MTMR7: variants seen among roughly 807,000 people sequenced by gnomAD.
The protein encoded by MTMR7 is myotubularin related protein 7.
Under a neutral mutation model 81.2 loss-of-function variants are expected in MTMR7, and 76 were observed. The observed-to-expected ratio is 0.94, with a 90% CI of 0.78 to 1.13. The LOEUF (loss-of-function observed/expected upper bound fraction) is 1.13, where lower values mean the gene tolerates loss of function less well. Among genes scored for constraint, MTMR7 ranks in the 50% most tolerant of loss-of-function variants. The pLI, the probability that MTMR7 is intolerant of heterozygous loss-of-function variation, is 0.00. For synonymous variants in MTMR7, 372 were observed against 289.8 expected (o/e 1.28, Z -2.88); for missense variants, 1,044 against 820.0 (o/e 1.27, Z -3.34).
chr8:17,404,918 G>A (rs1025688200), intron 1 of MTMR7, among the ~76,000 whole-genome samples: 1 of 152,104 alleles, frequency 6.6e-6, no homozygotes, highest in Non-Finnish European at 1.5e-5. Flanking sequence ...CTCTGCCTCC[G>A]AGGTTTAAGT....
chr8:17,312,561 C>T (rs977511780), intron 8 of MTMR7, among the ~76,000 whole-genome samples: 5 of 116,898 alleles, frequency 4.3e-5, no homozygotes, highest in African/African-American at 1.7e-4. Flanking sequence ...GGTGACAGAG[C>T]GAGACTCCCT....
intron 1 of MTMR7, among the ~76,000 whole-genome samples, chr8:17,399,295 G>A (rs1035421473): frequency 3.3e-5 from 5 of 152,052 alleles, no homozygotes; most frequent in South Asian, 2.1e-4. Flanking sequence ...TGCAAGATAC[G>A]AAATCAAAAT....
At chr8:17,324,702 A>T (rs1008193366) in intron 7 of MTMR7, among the ~76,000 whole-genome samples, 14 of 152,220 alleles carry the variant, frequency 9.2e-5, no homozygotes, top group African/African-American at 2.9e-4. Context: ...AGGCCATACA[A>T]ACTGCTATTT....
At chr8:17,395,109 T>C (rs577530198) in intron 1 of MTMR7, among the ~76,000 whole-genome samples, 1 of 152,180 alleles carries the variant, frequency 6.6e-6, no homozygotes, top group African/African-American at 2.4e-5. Flanking sequence ...TCATAACTTT[T>C]ATTTTACTTT....
intron 5 of MTMR7, among the ~76,000 whole-genome samples, chr8:17,347,561 C>T (rs886364973): frequency 6.6e-6 from 1 of 152,286 alleles, no homozygotes; most frequent in African/African-American, 2.4e-5. Context: ...TAGCCTCACT[C>T]GGCTTTGAAT....
intron 3 of MTMR7, among the ~76,000 whole-genome samples, chr8:17,369,479 C>G (rs1382884909): frequency 1.3e-5 from 2 of 152,056 alleles, no homozygotes; most frequent in Non-Finnish European, 2.9e-5. Context: ...CATAATTGAA[C>G]TTCTTGTCCT....
intron 7 of MTMR7, among the ~76,000 whole-genome samples, chr8:17,327,630 A>T (rs1818754328): frequency 8.0e-6 from 1 of 124,566 alleles, no homozygotes; most frequent in Admixed American, 7.6e-5. Flanking sequence ...CCCTAAGAGG[A>T]AGAAACCTGG....
chr8:17,350,310 G>A (rs532050684), intron 4 of MTMR7, among the ~76,000 whole-genome samples: 3 of 152,206 alleles, frequency 2.0e-5, no homozygotes, highest in African/African-American at 7.2e-5. Context: ...ATTTATAAAG[G>A]AAAAGGTTTA....
chr8:17,375,487 T>TTGTTTTG (rs1820558759), intron 1 of MTMR7, among the ~76,000 whole-genome samples: 1 of 151,902 alleles, frequency 6.6e-6, no homozygotes, highest in African/African-American at 2.4e-5. Context: ...TATGTTTTTT[T>TTGTTTTG]TTTTTTTTTA....
At chr8:17,332,389 T>C (rs1450843454) in intron 6 of MTMR7, among the ~76,000 whole-genome samples, 2 of 152,132 alleles carry the variant, frequency 1.3e-5, no homozygotes, top group Non-Finnish European at 2.9e-5. Context: ...GAATGTTTAT[T>C]GAAAAAAGCT....
At chr8:17,358,065 A>G (rs952902733) in intron 4 of MTMR7, among the ~76,000 whole-genome samples, 1 of 152,094 alleles carries the variant, frequency 6.6e-6, no homozygotes, top group African/African-American at 2.4e-5. Context: ...AGGAAAAAGC[A>G]TAATTGACAA....
chr8:17,389,212 G>T (rs1284100700), intron 1 of MTMR7, among the ~76,000 whole-genome samples: 3 of 152,132 alleles, frequency 2.0e-5, no homozygotes, highest in Admixed American at 6.5e-5. Flanking sequence ...ATCATTCACT[G>T]TCCTCTGAAT....
intron 1 of MTMR7, 118 bp downstream of exon 1, chr8:17,413,151 C>A (rs1247196897): frequency 1.7e-6 from 2 of 1,200,768 alleles, no homozygotes; most frequent in Non-Finnish European, 2.4e-6. Context: ...CTCCCTCGCC[C>A]GCGGTCCAGG....
At chr8:17,308,777 C>A (rs1431789853) in intron 10 of MTMR7, among the ~76,000 whole-genome samples, 1 of 152,164 alleles carries the variant, frequency 6.6e-6, no homozygotes, top group Non-Finnish European at 1.5e-5. Flanking sequence ...CAAGGCCAGA[C>A]AGTGAATATC....
At chr8:17,391,859 T>C (rs1467116858) in intron 1 of MTMR7, among the ~76,000 whole-genome samples, 1 of 152,002 alleles carries the variant, frequency 6.6e-6, no homozygotes, top group Admixed American at 6.6e-5. Flanking sequence ...TAAGTGGGGG[T>C]TATTTTTAAA....
chr8:17,335,995 GGAGAA>G (rs1405403268), intron 6 of MTMR7, among the ~76,000 whole-genome samples: 2 of 152,134 alleles, frequency 1.3e-5, no homozygotes, highest in African/African-American at 2.4e-5. Context: ...TGCAGAGGAG[GGAGAA>G]GAGAAGAGGT....
intron 12 of MTMR7, among the ~76,000 whole-genome samples, chr8:17,303,464 T>G (rs1288008475): frequency 6.6e-6 from 1 of 152,078 alleles, no homozygotes; most frequent in African/African-American, 2.4e-5. Flanking sequence ...TCTGCATGAG[T>G]CTTTTGATGT....
At chr8:17,300,552 C>G (rs1446505306) in intron 13 of MTMR7, among the ~76,000 whole-genome samples, 2 of 152,142 alleles carry the variant, frequency 1.3e-5, no homozygotes, top group African/African-American at 2.4e-5. Flanking sequence ...CCCATGAACT[C>G]AAAAAACATT....
At chr8:17,376,354 G>A (rs1419532117) in intron 1 of MTMR7, among the ~76,000 whole-genome samples, 2 of 152,156 alleles carry the variant, frequency 1.3e-5, no homozygotes, top group African/African-American at 4.8e-5. Flanking sequence ...AGACATTTCA[G>A]TTGCATCTAC....
Sources: allele counts gnomAD v4.1 joint callset (sites outside exome capture counted in the v4.1 genomes callset), GRCh38; gene constraint gnomAD v4.1.1; transcripts MANE v1.5; gene names NCBI Gene and HGNC (gene_info 2026-07-23, HGNC 2026-07-21).